The following KCTD16 variants were observed in gnomAD, a reference collection of about 807,000 sequenced individuals.
KCTD16 encodes BTB/POZ domain-containing protein KCTD16.
KCTD16 carries 13 observed loss-of-function variants against 33.2 expected under a neutral mutation model. The observed-to-expected ratio is 0.39, with a 90% CI of 0.25 to 0.62. The LOEUF is 0.62. Among genes scored for constraint, KCTD16 ranks in the 20% least tolerant of loss-of-function variants. The probability of loss-of-function intolerance (pLI) is 0.50; values close to 1 mark genes in which losing one functional copy is unlikely to be tolerated. For synonymous variants in KCTD16, 197 were observed against 195.3 expected (o/e 1.01, Z -0.07); for missense variants, 441 against 525.1 (o/e 0.84, Z 1.57).
chr5:144,363,831 G>C (rs951210474), intron 3 of KCTD16, among the ~76,000 whole-genome samples: 41 of 152,256 alleles, frequency 2.7e-4, no homozygotes, highest in African/African-American at 9.4e-4. Flanking sequence ...CTGCCTCTTT[G>C]AACCTCTTTC....
At chr5:144,254,944 T>G (rs1031251111) in intron 3 of KCTD16, among the ~76,000 whole-genome samples, 11 of 152,076 alleles carry the variant, frequency 7.2e-5, no homozygotes, top group Non-Finnish European at 1.5e-4. Flanking sequence ...TTTAAATTTT[T>G]GTAGGGATGG....
chr5:144,254,124 CTT>C (rs5871871), intron 3 of KCTD16, among the ~76,000 whole-genome samples: 7 of 148,052 alleles, frequency 4.7e-5, no homozygotes, highest in Non-Finnish European at 7.5e-5. Context: ...AATGCATATT[CTT>C]TTTTTTTTTA....
At chr5:144,202,588 G>A (rs1753069803) in intron 2 of KCTD16, among the ~76,000 whole-genome samples, 1 of 152,090 alleles carries the variant, frequency 6.6e-6, no homozygotes, top group Non-Finnish European at 1.5e-5. Context: ...AGGTGAGGGA[G>A]GCCTAGACCA....
chr5:144,181,198 G>T (rs1311801080), intron 2 of KCTD16, among the ~76,000 whole-genome samples: 3 of 152,204 alleles, frequency 2.0e-5, no homozygotes, highest in Non-Finnish European at 4.4e-5. Context: ...CTCCCAAAGT[G>T]CTGGGATTAC....
At chr5:144,190,005 G>A (rs181408845) in intron 2 of KCTD16, among the ~76,000 whole-genome samples, 1 of 152,120 alleles carries the variant, frequency 6.6e-6, no homozygotes, top group Non-Finnish European at 1.5e-5. Context: ...CTGCAGATTC[G>A]TTGTGAGTAA....
intron 3 of KCTD16, among the ~76,000 whole-genome samples, chr5:144,404,044 G>A (rs1752760746): frequency 2.0e-5 from 3 of 152,076 alleles, no homozygotes; most frequent in African/African-American, 2.4e-5. Flanking sequence ...CCTCTGGAAG[G>A]GTGGAGCGTA....
chr5:144,269,283 C>A (rs1755231037), intron 3 of KCTD16, among the ~76,000 whole-genome samples: 1 of 151,928 alleles, frequency 6.6e-6, no homozygotes, highest in Non-Finnish European at 1.5e-5. Flanking sequence ...GAGACTCACA[C>A]TGAGACACAT....
At chr5:144,322,321 A>G (rs1170532559) in intron 3 of KCTD16, among the ~76,000 whole-genome samples, 1 of 152,164 alleles carries the variant, frequency 6.6e-6, no homozygotes, top group Non-Finnish European at 1.5e-5. Flanking sequence ...AGGATTGATC[A>G]ATCAGCATCT....
intron 3 of KCTD16, among the ~76,000 whole-genome samples, chr5:144,236,101 A>C (rs1754245446): frequency 6.6e-6 from 1 of 152,138 alleles, no homozygotes; most frequent in African/African-American, 2.4e-5. Flanking sequence ...CATGCTAGGA[A>C]CTGTTAGATG....
intron 3 of KCTD16, among the ~76,000 whole-genome samples, chr5:144,328,799 C>T (rs1049627345): frequency 4.6e-5 from 7 of 151,828 alleles, no homozygotes; most frequent in African/African-American, 1.7e-4. Flanking sequence ...TCCTTCTCCA[C>T]TGTGAAAAGC....
intron 3 of KCTD16, among the ~76,000 whole-genome samples, chr5:144,262,818 T>C (rs958563397): frequency 2.0e-5 from 3 of 152,236 alleles, no homozygotes; most frequent in African/African-American, 7.2e-5. Context: ...GTGACTCTTA[T>C]CACTTTATTT....
chr5:144,326,605 T>C (rs990522664), intron 3 of KCTD16, among the ~76,000 whole-genome samples: 1 of 152,088 alleles, frequency 6.6e-6, no homozygotes, highest in Non-Finnish European at 1.5e-5. Context: ...CCTCCCACTA[T>C]TCTCTTCTTA....
At chr5:144,407,188 T>TA (rs1561596406) in intron 3 of KCTD16, among the ~76,000 whole-genome samples, 1 of 129,522 alleles carries the variant, frequency 7.7e-6, no homozygotes, top group Non-Finnish European at 1.6e-5. Context: ...CATCTTTTTT[T>TA]AAAAAAATTC....
chr5:144,469,116 G>C (rs1287331507), intron 3 of KCTD16, among the ~76,000 whole-genome samples: 1 of 152,170 alleles, frequency 6.6e-6, no homozygotes, highest in Non-Finnish European at 1.5e-5. Flanking sequence ...GCCTCTCCCT[G>C]TTTAATCCAA....
At chr5:144,286,390 C>A (rs1755746820) in intron 3 of KCTD16, among the ~76,000 whole-genome samples, 1 of 152,008 alleles carries the variant, frequency 6.6e-6, no homozygotes. Context: ...AAGTGTATGT[C>A]CTTTCTCAAA....
chr5:144,181,929 A>G (rs1460831674), intron 2 of KCTD16, among the ~76,000 whole-genome samples: 2 of 152,128 alleles, frequency 1.3e-5, no homozygotes, highest in Non-Finnish European at 2.9e-5. Flanking sequence ...CCCCATCTCT[A>G]CTAAAAATAC....
intron 3 of KCTD16, among the ~76,000 whole-genome samples, chr5:144,238,264 T>TA (rs1754308273): frequency 6.6e-6 from 1 of 152,068 alleles, no homozygotes; most frequent in South Asian, 2.1e-4. Flanking sequence ...ACCTTATAGC[T>TA]AAAAAAGATT....
intron 3 of KCTD16, among the ~76,000 whole-genome samples, chr5:144,418,727 T>C (rs1753142126): frequency 6.6e-6 from 1 of 152,194 alleles, no homozygotes; most frequent in East Asian, 1.9e-4. Flanking sequence ...AGTGTGGAAG[T>C]TATGCCTGAG....
intron 3 of KCTD16, among the ~76,000 whole-genome samples, chr5:144,439,045 T>C (rs994003117): frequency 3.9e-5 from 6 of 151,934 alleles, no homozygotes; most frequent in African/African-American, 1.5e-4. Context: ...TTTTTTTTTC[T>C]TTTTTTCTGG....
Sources: gnomAD v4.1 joint callset for allele counts (sites outside exome capture counted in the v4.1 genomes callset) on GRCh38, gnomAD v4.1.1 for gene constraint, MANE v1.5 for transcripts, NCBI Gene and HGNC (gene_info 2026-07-23, HGNC 2026-07-21) for gene names.